Variants in GGCX observed in about 807,000 individuals in gnomAD.
The protein encoded by GGCX is vitamin K-dependent gamma-carboxylase.
A neutral mutation model predicts 88.5 loss-of-function variants in GGCX; 63 were observed. That is an observed-to-expected ratio of 0.71 (90% CI 0.58 to 0.88). GGCX has a LOEUF of 0.88. Ranked by LOEUF, GGCX falls within the 40% of genes least tolerant of loss-of-function variation. The pLI is 0.00. For synonymous variants in GGCX, 368 were observed against 365.8 expected, an observed-to-expected ratio of 1.01 and a Z score of -0.07; for missense variants, 805 against 932.9, an observed-to-expected ratio of 0.86 and a Z score of 1.79.
At position 85,549,475 on chromosome 2, in the gene GGCX, C is replaced by G. The variant is rs1453569407; in HGVS notation, c.*459G>C. 2 of 176,166 alleles carry G rather than the reference C, an allele frequency of 1.1e-5. No individual in the cohort carries two copies. Among genetic ancestry groups the G allele is most frequent in the Non-Finnish European group, 2.4e-5 (2 of 82,470 alleles). The allele number at this position is 176,166 out of a possible 1,614,324, so 10.9% of individuals were successfully genotyped here. On this transcript the variant is annotated 3_prime_UTR_variant, in exon 15 of 15. Coordinates refer to ENST00000233838, the MANE Select transcript of GGCX (RefSeq NM_000821.7). ...CTCCTGGGCCCAAGCGATTCTCATG[C>G]CTCAGCCTCCTGGGTAGTTGGATTA...
At chr2:85,553,921 A>G in intron 7 of GGCX, 1 of 586,014 alleles carries the variant, frequency 1.7e-6, no homozygotes, top group Non-Finnish European at 3.1e-6. Flanking sequence ...TCTTAACTGT[A>G]AGATATTTGT....
At position 85,550,045 on chromosome 2, in the gene GGCX, A is replaced by C; in HGVS notation, c.2166T>G (p.Tyr722Ter). 1 of 1,613,104 alleles carries C rather than the reference A, an allele frequency of 6.2e-7. No homozygotes were observed. The highest frequency in any genetic ancestry group is 8.5e-7 in the Non-Finnish European group (1 of 1,179,102). ...SLEQLAQEVT[Y>*]ANLRPFEAVG... is the part of the protein sequence containing the mutation. ...CTGCCTCAAAGGGTCTCAAGTTTGC[A>C]TAAGTCACCTCCTGGGCCAGCTGCT... Residue 722 changes from tyrosine to a stop codon, truncating the protein, a stop_gained, in exon 15 of 15, where the codon TAT becomes TAG. Transcript: ENST00000233838. LOFTEE classifies it low-confidence loss of function (END_TRUNC).
At chr2:85,558,015 TCTC>T (rs1298446686) in intron 4 of GGCX, among the ~76,000 whole-genome samples, 1 of 152,020 alleles carries the variant, frequency 6.6e-6, no homozygotes, top group Admixed American at 6.6e-5. Context: ...TGGGCCCTCT[TCTC>T]CTGACATGAT....
intron 9 of GGCX, 25 bp from the exon 10 acceptor site, chr2:85,552,592 C>A: frequency 6.2e-7 from 1 of 1,608,022 alleles, no homozygotes; most frequent in Non-Finnish European, 8.5e-7. Context: ...CATATTAGTC[C>A]CACCTCATCA....
Position 85,552,984 on chromosome 2 carries a change from G to A in GGCX, c.1242C>T (p.Thr414=), listed in dbSNP as rs10179904. Residue 414 remains threonine, a synonymous_variant, in exon 9 of 15, where the codon ACC becomes ACT. Transcript: ENST00000233838. ...HSRSHQHVKI[T]YRDGRTGELG... is the part of the protein sequence containing the mutation. Reference sequence around the variant, plus strand: ...GTTCGCCAGTGCGGCCATCACGGTAGGTGATCTTCACGTGCTGGTGGGAGC... The same window carrying A: ...GTTCGCCAGTGCGGCCATCACGGTAAGTGATCTTCACGTGCTGGTGGGAGC... The A allele has an allele frequency of 0.12, 196,817 of 1,613,666 alleles. 12,554 individuals are homozygous for A. Among genetic ancestry groups the A allele is most frequent in the South Asian group, 0.19 (17,172 of 91,064 alleles).
Position 85,547,128 on chromosome 2 carries a change from A to G in GGCX, c.*2806T>C, listed in dbSNP as rs1043106869. On this transcript the variant is annotated 3_prime_UTR_variant, in exon 15 of 15. Transcript: ENST00000233838. ...AGGCCACAGGGAGCAGAGGGAAAGC[A>G]TAACAGCAGGGGATGATAAGGGTGA... 6.6e-6 allele frequency: 1 copy of G among 152,340 alleles called. No homozygotes were observed. The highest frequency in any genetic ancestry group is 2.4e-5 in the African/African-American group (1 of 41,444). The allele number at this position is 152,340 out of a possible 1,614,324, so 9.4% of individuals were successfully genotyped here.
rs1382543679 is a variant in GGCX at position 85,548,784 on chromosome 2, C to G, written c.*1150G>C. 2.0e-5 allele frequency: 3 copies of G among 152,182 alleles called. No individual in the cohort carries two copies. Among genetic ancestry groups the G allele is most frequent in the African/African-American group, 7.2e-5 (3 of 41,440 alleles). The allele number at this position is 152,182 out of a possible 1,614,324, so 9.4% of individuals were successfully genotyped here. On this transcript the variant is annotated 3_prime_UTR_variant, in exon 15 of 15. Transcript: ENST00000233838. ...GCTTCCTGAGTTACCCTTGTATACC[C>G]CAACCTACAAAATGTCTAAGCATTC...
At chr2:85,550,484 ACT>A in intron 14 of GGCX, 69 bp downstream of exon 14, 1 of 1,083,162 alleles carries the variant, frequency 9.2e-7, no homozygotes, top group South Asian at 1.2e-5. Context: ...CTCTAGAGTT[ACT>A]CTCCCCAGGG....
chr2:85,560,466 G>A (rs1692385287), intron 2 of GGCX, among the ~76,000 whole-genome samples: 1 of 152,064 alleles, frequency 6.6e-6, no homozygotes, highest in Admixed American at 6.5e-5. Context: ...AGCCGGGTGT[G>A]GTGGTGGGCG....
intron 2 of GGCX, among the ~76,000 whole-genome samples, chr2:85,559,829 GAAGA>G (rs2103990222): frequency 6.6e-6 from 1 of 152,320 alleles, no homozygotes; most frequent in Admixed American, 6.5e-5. Context: ...GGAATAAACA[GAAGA>G]GGCTACTCAG....
chr2:85,551,371 G>T, intron 12 of GGCX, 109 bp downstream of exon 12: 1 of 1,097,448 alleles, frequency 9.1e-7, no homozygotes, highest in Non-Finnish European at 1.4e-6. Flanking sequence ...TGTTGCTCAG[G>T]CTCACTGTGA....
rs1036683638 is a variant in GGCX at position 85,549,643 on chromosome 2, G to A, written c.*291C>T. ...CCCAAAATGCTGGGATTACAGGCGT[G>A]AGCCACGGCACCCAGCCCCCAAAAA... is the stretch of plus-strand genomic sequence containing the variant. On this transcript the variant is annotated 3_prime_UTR_variant, in exon 15 of 15. Coordinates refer to ENST00000233838, the MANE Select transcript of GGCX (RefSeq NM_000821.7). The A allele has an allele frequency of 5.1e-6, 2 of 393,680 alleles. No homozygotes were observed. Among genetic ancestry groups the A allele is most frequent in the South Asian group, 2.2e-5 (1 of 44,846 alleles). The allele number at this position is 393,680 out of a possible 1,614,324, so 24.4% of individuals were successfully genotyped here.
Position 85,550,566 on chromosome 2 carries a change from G to C in GGCX, c.2073C>G (p.Val691=), listed in dbSNP as rs757455951. The C allele has an allele frequency of 3.1e-6, 5 of 1,613,140 alleles. No individual in the cohort carries two copies. Among genetic ancestry groups the C allele is most frequent in the Admixed American group, 1.7e-5 (1 of 60,018 alleles). ...FFRFLLRKLY[V]FRRSFLMTCI... The stretch of plus-strand genomic sequence containing the variant: ...TGTTGTGAACTTACCTGCGGCGAAA[G>C]ACATAGAGCTTTCGCAACAAGAAGC... The change falls in exon 14 of 15, where the codon GTC becomes GTG. Residue 691 remains valine (V), a synonymous_variant. Coordinates refer to ENST00000233838, the MANE Select transcript of GGCX (RefSeq NM_000821.7).
chr2:85,556,316 C>T, intron 4 of GGCX, 56 bp from the exon 5 acceptor site: 1 of 1,044,962 alleles, frequency 9.6e-7, no homozygotes, highest in South Asian at 1.3e-5. Context: ...GCTACATCTC[C>T]ATCCTTCCTT....
In GGCX at chr2:85,549,738, T is replaced by C; in HGVS notation, c.*196A>G. ...TAACCTCTTCCTGGCCTCTTAATCT[T>C]GGGTTGTTAAATCTTATTTGCTTTA... On this transcript the variant is annotated 3_prime_UTR_variant, in exon 15 of 15. Transcript: ENST00000233838. The C allele has an allele frequency of 1.7e-6, 1 of 594,576 alleles. No homozygotes were observed. Among genetic ancestry groups the C allele is most frequent in the Non-Finnish European group, 3.0e-6 (1 of 336,878 alleles). 36.8% of individuals were successfully genotyped at this position (594,576 alleles called of 1,614,324 possible).
chr2:85,560,534 C>T (rs1025520806), intron 2 of GGCX, among the ~76,000 whole-genome samples: 8 of 151,154 alleles, frequency 5.3e-5, no homozygotes, highest in Non-Finnish European at 8.8e-5. Flanking sequence ...ACCCGGGTGG[C>T]GGAGGTTACA....
rs533283843 is a variant in GGCX, at chr2:85,549,710, G to A, written c.*224C>T. 26 of 544,850 alleles carry A rather than the reference G, an allele frequency of 4.8e-5. No homozygotes were observed. The highest frequency in any genetic ancestry group is 2.5e-4 in the Admixed American group (8 of 32,162). 33.8% of individuals were successfully genotyped at this position (544,850 alleles called of 1,614,324 possible). On this transcript the variant is annotated 3_prime_UTR_variant, in exon 15 of 15. Coordinates refer to ENST00000233838, the MANE Select transcript of GGCX (RefSeq NM_000821.7). Reference sequence around the variant, plus strand: ...TCCTAGGAGGACAGTTTCACATTGCGTCTAACCTCTTCCTGGCCTCTTAAT... The same window carrying A: ...TCCTAGGAGGACAGTTTCACATTGCATCTAACCTCTTCCTGGCCTCTTAAT...
In GGCX at chr2:85,554,306, T is replaced by C. The variant is rs1473974680; in HGVS notation, c.726A>G (p.Lys242=). The change falls in exon 7 of 15, where the codon AAA becomes AAG. Residue 242 remains lysine (K), a splice_region_variant and synonymous_variant. Coordinates refer to ENST00000233838, the MANE Select transcript of GGCX (RefSeq NM_000821.7). ...LSRHWLFSPF[K]LLLSEELTSL... is the part of the protein sequence containing the mutation. ...TAGTCAGCTCCTCAGACAACAGCAG[T>C]CTGCAAACACATGGAGAAAGTTCAA... 1.2e-6 allele frequency: 2 copies of C among 1,613,658 alleles called. No homozygotes were observed. The highest frequency in any genetic ancestry group is 1.7e-6 in the Non-Finnish European group (2 of 1,179,738).
rs1691767681 is a variant in GGCX at position 85,548,225 on chromosome 2, A to C, written c.*1709T>G. 1 of 152,186 alleles carries C rather than the reference A, an allele frequency of 6.6e-6. No individual in the cohort carries two copies. The allele number at this position is 152,186 out of a possible 1,614,324, so 9.4% of individuals were successfully genotyped here. On this transcript the variant is annotated 3_prime_UTR_variant, in exon 15 of 15. Transcript: ENST00000233838. ...AAAAAAATAGATTCAAGAGGTATCC[A>C]GGAGGTAAAATTGATGGGACTTGGC...
Sources: gnomAD v4.1 joint callset for allele counts (sites outside exome capture counted in the v4.1 genomes callset) on GRCh38, gnomAD v4.1.1 for gene constraint, MANE v1.5 for transcripts, NCBI Gene and HGNC (gene_info 2026-07-23, HGNC 2026-07-21) for gene names.